The following DYSF variants were observed in gnomAD, a reference collection of about 807,000 sequenced individuals.
DYSF encodes the protein dystrophy-associated fer-1-like 1.
A neutral mutation model predicts 274.9 loss-of-function variants in DYSF; 212 were observed. The observed-to-expected ratio is 0.77, with a 90% CI of 0.69 to 0.86. DYSF has a LOEUF of 0.86. Among genes scored for constraint, DYSF ranks in the 40% least tolerant of loss-of-function variants. The probability of loss-of-function intolerance (pLI) is 0.00; values close to 1 mark genes in which losing one functional copy is unlikely to be tolerated. For missense variants in DYSF, 2,666 were observed against 2,783.2 expected, an observed-to-expected ratio of 0.96 and a Z score of 0.95; for synonymous variants, 1,091 against 1,078.7, an observed-to-expected ratio of 1.01 and a Z score of -0.22.
chr2:71,549,610 T>C (rs148797960), intron 17 of DYSF, among the ~76,000 whole-genome samples: 1 of 151,966 alleles, frequency 6.6e-6, no homozygotes, highest in Non-Finnish European at 1.5e-5. Flanking sequence ...TTCCTCCCAC[T>C]TCCCCCAACC....
Position 71,515,585 on chromosome 2 carries a change from C to T in DYSF, c.760-38C>T, listed in dbSNP as rs1301649515. On this transcript the variant is annotated intron_variant, in intron 7 of 55. Transcript: ENST00000410020. ...GGATGGTGGGTGGTCCTTAACTCTTCCCCCTTCCTCCTGCTCTTTCCTCCT... is the reference window on the plus strand; with the variant it reads ...GGATGGTGGGTGGTCCTTAACTCTTTCCCCTTCCTCCTGCTCTTTCCTCCT... The T allele has an allele frequency of 3.1e-6, 5 of 1,613,886 alleles. No individual in the cohort carries two copies. The Admixed American group carries it at 5.0e-5, about 16-fold the overall frequency.
chr2:71,558,825 G>A (rs1215290442), intron 22 of DYSF, among the ~76,000 whole-genome samples: 1 of 152,124 alleles, frequency 6.6e-6, no homozygotes, highest in Non-Finnish European at 1.5e-5. Context: ...TCTCTGGGGG[G>A]GAATTCCAGG....
At chr2:71,470,741 C>CTTCT (rs1297164905) in intron 1 of DYSF, among the ~76,000 whole-genome samples, 645 of 29,772 alleles carry the variant, frequency 0.022, 4 homozygotes, top group Non-Finnish European at 0.033. Flanking sequence ...TCCTTCTTTC[C>CTTCT]TTCCTTCCTT....
At chr2:71,482,969 C>T (rs2083056404) in intron 3 of DYSF, among the ~76,000 whole-genome samples, 1 of 152,074 alleles carries the variant, frequency 6.6e-6, no homozygotes, top group South Asian at 2.1e-4. Flanking sequence ...CTGTGTTGCC[C>T]TGGGGTGGGG....
In DYSF at chr2:71,644,506, A is replaced by G. The variant is rs565121443; in HGVS notation, c.4626+443A>G. ...CTTTCAGTGTTATTTGAACTTTTCT[A>G]TAGTAGAAAATTTGTGTTAAAATAA... On this transcript the variant is annotated intron_variant, in intron 42 of 55. Coordinates refer to ENST00000410020, the MANE Select transcript of DYSF (RefSeq NM_001130987.2). Among the ~76,000 whole-genome samples, 9 of 152,308 alleles carry G rather than the reference A, an allele frequency of 5.9e-5. No homozygotes were observed. The East Asian group carries it at 1.7e-3, about 29-fold the overall frequency.
At chr2:71,593,614 C>A (rs1336136328) in intron 32 of DYSF, among the ~76,000 whole-genome samples, 1 of 152,210 alleles carries the variant, frequency 6.6e-6, no homozygotes. Flanking sequence ...GCATTGCTTC[C>A]CTGAACGGTA....
chr2:71,497,020 C>T (rs1436174493), intron 3 of DYSF, among the ~76,000 whole-genome samples: 1 of 152,170 alleles, frequency 6.6e-6, no homozygotes, highest in Non-Finnish European at 1.5e-5. Context: ...AAACACCTTC[C>T]CAAGTCCCAG....
At chr2:71,470,443 C>G (rs2081915515) in intron 1 of DYSF, among the ~76,000 whole-genome samples, 1 of 151,972 alleles carries the variant, frequency 6.6e-6, no homozygotes, top group Admixed American at 6.5e-5. Flanking sequence ...GAGGCCAAGG[C>G]GGGTGGATCA....
At chr2:71,483,413 AG>A (rs2083097459) in intron 3 of DYSF, among the ~76,000 whole-genome samples, 1 of 152,188 alleles carries the variant, frequency 6.6e-6, no homozygotes, top group African/African-American at 2.4e-5. Flanking sequence ...GGCTTCCTGG[AG>A]GAGGGTCACT....
intron 1 of DYSF, among the ~76,000 whole-genome samples, chr2:71,468,304 T>G (rs1015210238): frequency 2.6e-5 from 4 of 152,226 alleles, no homozygotes; most frequent in African/African-American, 9.7e-5. Flanking sequence ...CGTTTGGGTC[T>G]GCTCACAGCT....
chr2:71,510,754 CT>C (rs2086008896), intron 4 of DYSF, among the ~76,000 whole-genome samples: 1 of 152,172 alleles, frequency 6.6e-6, no homozygotes, highest in South Asian at 2.1e-4. Flanking sequence ...GACATTATGC[CT>C]CAGGAAAAAT....
At chr2:71,549,159 C>T (rs911824381) in intron 17 of DYSF, among the ~76,000 whole-genome samples, 11 of 152,126 alleles carry the variant, frequency 7.2e-5, no homozygotes, top group African/African-American at 1.7e-4. Flanking sequence ...CTGGAGGGGC[C>T]GTGATGATTT....
At chr2:71,481,069 C>T (rs763489937) in intron 2 of DYSF, 131 bp downstream of exon 2, 10 of 911,674 alleles carry the variant, frequency 1.1e-5, no homozygotes, top group Admixed American at 5.9e-5. Flanking sequence ...GGTGGTCCAG[C>T]CTGCCAACGA....
In DYSF at chr2:71,669,179, G is replaced by A. The variant is rs201592500; in HGVS notation, c.5614G>A (p.Glu1872Lys). Residue 1872 changes from glutamate to lysine, a missense_variant, in exon 50 of 56, where the codon GAG becomes AAG. Glu to Lys is a moderately conservative substitution (Grantham distance 56). Around this residue, in one of 3 missense-constraint regions of DYSF, gnomAD observed 1,460 missense variants for 1,502.1 expected, o/e 0.97. Transcript: ENST00000410020. ...CCTGGATGACCTGAGCCTCACGGGG[G>A]AGAAGATGAGCGACATTTATGTGAA... Reference protein sequence around the residue: ...VILDDLSLTGEKMSDIYVKGW... With the variant: ...VILDDLSLTGKKMSDIYVKGW... 6.2e-6 allele frequency: 10 copies of A among 1,610,132 alleles called. No individual in the cohort carries two copies. The highest frequency in any genetic ancestry group is 5.1e-6 in the Non-Finnish European group (6 of 1,178,392).
chr2:71,630,144 T>G (rs2094288908), intron 41 of DYSF, among the ~76,000 whole-genome samples: 2 of 152,210 alleles, frequency 1.3e-5, no homozygotes, highest in Non-Finnish European at 2.9e-5. Context: ...GTTAGATTCT[T>G]TCCATAAATT....
At chr2:71,684,098 A>G (rs1280099733) in intron 55 of DYSF, among the ~76,000 whole-genome samples, 1 of 152,132 alleles carries the variant, frequency 6.6e-6, no homozygotes, top group African/African-American at 2.4e-5. Context: ...GCAATGGAGA[A>G]ATGTTTCTGA....
rs143725935 is a variant in DYSF at position 71,597,954 on chromosome 2, G to A, written c.3575-610G>A. 5.7e-3 allele frequency among the ~76,000 whole-genome samples: 872 copies of A among 152,252 alleles called. 5 individuals are homozygous for A. Among genetic ancestry groups the A allele is most frequent in the African/African-American group, 0.02 (819 of 41,532 alleles). ...GCAGCCAGAGTGAGCTTGCTGAAAC[G>A]CAGACCTAGCCACGTCAGTCTGGTG... On this transcript the variant is annotated intron_variant, in intron 32 of 55. Coordinates refer to ENST00000410020, the MANE Select transcript of DYSF (RefSeq NM_001130987.2).
At chr2:71,558,089 G>A (rs577770254) in intron 22 of DYSF, among the ~76,000 whole-genome samples, 9 of 152,112 alleles carry the variant, frequency 5.9e-5, no homozygotes, top group South Asian at 2.1e-4. Context: ...GGCACAGAGA[G>A]GTTAACTTGC....
At chr2:71,635,999 T>C (rs1441317453) in intron 41 of DYSF, among the ~76,000 whole-genome samples, 2 of 151,638 alleles carry the variant, frequency 1.3e-5, no homozygotes, top group Non-Finnish European at 2.9e-5. Flanking sequence ...AAGAAGGAAA[T>C]GAGGAAGTGG....
Sources: allele counts gnomAD v4.1 joint callset (sites outside exome capture counted in the v4.1 genomes callset), GRCh38; gene constraint gnomAD v4.1.1; regional missense constraint gnomAD v4.1.1; transcripts MANE v1.5; gene names NCBI Gene and HGNC (gene_info 2026-07-23, HGNC 2026-07-21).